The following RALYL variants were observed in gnomAD, a reference collection of about 807,000 sequenced individuals.
RALYL encodes the protein RALY RNA binding protein like.
RALYL carries 29 observed loss-of-function variants against 35.1 expected under a neutral mutation model. The observed-to-expected ratio is 0.83, with a 90% CI of 0.61 to 1.13. The LOEUF (loss-of-function observed/expected upper bound fraction) is 1.13. RALYL is among the 50% of genes most tolerant of loss of function. The pLI, the probability that RALYL is intolerant of heterozygous loss-of-function variation, is 0.00. For missense variants in RALYL, 359 were observed against 360.4 expected (o/e 1.00, Z 0.03); for synonymous variants, 120 against 127.6 (o/e 0.94, Z 0.40).
intron 1 of RALYL, among the ~76,000 whole-genome samples, chr8:84,295,066 G>A (rs1839504724): frequency 6.6e-6 from 1 of 152,122 alleles, no homozygotes; most frequent in Non-Finnish European, 1.5e-5. Context: ...CTGTTGGTTA[G>A]ACAAACCTGA....
At chr8:84,290,643 G>A (rs1367169378) in intron 1 of RALYL, among the ~76,000 whole-genome samples, 1 of 152,142 alleles carries the variant, frequency 6.6e-6, no homozygotes, top group East Asian at 1.9e-4. Context: ...TTAAGGTGGG[G>A]CAGGGCATAT....
intron 5 of RALYL, among the ~76,000 whole-genome samples, chr8:84,857,694 GTTTGTT>G (rs1167139827): frequency 6.6e-6 from 1 of 151,620 alleles, no homozygotes; most frequent in African/African-American, 2.4e-5. Context: ...CCTGAGAAAT[GTTTGTT>G]TTTAATATAA....
intron 1 of RALYL, among the ~76,000 whole-genome samples, chr8:84,267,949 C>T (rs1225189174): frequency 2.0e-5 from 3 of 152,176 alleles, no homozygotes; most frequent in East Asian, 3.8e-4. Context: ...GCTACCCTAT[C>T]ATTTGTTTTA....
At chr8:84,712,464 T>C (rs1842339134) in intron 2 of RALYL, among the ~76,000 whole-genome samples, 1 of 152,136 alleles carries the variant, frequency 6.6e-6, no homozygotes, top group African/African-American at 2.4e-5. Context: ...TCTCTCTCTG[T>C]GTCTCTCTCA....
intron 2 of RALYL, among the ~76,000 whole-genome samples, chr8:84,648,188 C>T (rs1256554995): frequency 6.6e-6 from 1 of 152,016 alleles, no homozygotes; most frequent in East Asian, 1.9e-4. Flanking sequence ...ATTAAACATT[C>T]CAGTATATCA....
At chr8:84,617,836 A>C (rs1764905566) in intron 2 of RALYL, among the ~76,000 whole-genome samples, 1 of 151,764 alleles carries the variant, frequency 6.6e-6, no homozygotes, top group African/African-American at 2.4e-5. Context: ...CCTTTTCTGC[A>C]TCTATTGAGA....
chr8:84,658,496 G>A (rs1830348189), intron 2 of RALYL, among the ~76,000 whole-genome samples: 1 of 152,090 alleles, frequency 6.6e-6, no homozygotes, highest in African/African-American at 2.4e-5. Flanking sequence ...GGAAATTGTG[G>A]ATAAACTCTG....
At chr8:84,314,183 T>C (rs1227385979) in intron 1 of RALYL, among the ~76,000 whole-genome samples, 2 of 152,046 alleles carry the variant, frequency 1.3e-5, no homozygotes, top group South Asian at 2.1e-4. Context: ...TCCCTCATTA[T>C]CAAGGGTACA....
intron 1 of RALYL, among the ~76,000 whole-genome samples, chr8:84,483,017 G>A (rs1189695069): frequency 1.3e-5 from 2 of 151,976 alleles, no homozygotes; most frequent in Non-Finnish European, 2.9e-5. Flanking sequence ...ACCTCTTTAT[G>A]TAAAAGTTAA....
At chr8:84,669,493 C>CA (rs1554771621) in intron 2 of RALYL, among the ~76,000 whole-genome samples, 1 of 61,888 alleles carries the variant, frequency 1.6e-5, no homozygotes, top group Non-Finnish European at 3.3e-5. Context: ...CCCCTCCCCC[C>CA]CCCCCCACTC....
At chr8:84,324,032 T>C (rs1387336763) in intron 1 of RALYL, among the ~76,000 whole-genome samples, 2 of 152,074 alleles carry the variant, frequency 1.3e-5, no homozygotes, top group African/African-American at 4.8e-5. Context: ...TGTGAAACAA[T>C]AGAACTGTGC....
At position 84,256,056 on chromosome 8, in the gene RALYL, C is replaced by A. The variant is rs138991692; in HGVS notation, c.-24+71632C>A. Among the ~76,000 whole-genome samples the A allele has an allele frequency of 2.0e-5, 3 of 152,194 alleles. No homozygotes were observed. The East Asian group carries it at 5.8e-4, about 29-fold the overall frequency. On this transcript the variant is annotated intron_variant, in intron 1 of 8. Coordinates refer to ENST00000521268, the MANE Select transcript of RALYL (RefSeq NM_173848.7). ...AACAATTTGCACAATTACAGGTCCACCGAAGGCCAGAGCTGCAAAGGGTAT... is the reference window on the plus strand; with the variant it reads ...AACAATTTGCACAATTACAGGTCCAACGAAGGCCAGAGCTGCAAAGGGTAT...
intron 2 of RALYL, among the ~76,000 whole-genome samples, chr8:84,589,977 A>T (rs527900213): frequency 3.3e-5 from 5 of 152,250 alleles, no homozygotes; most frequent in Non-Finnish European, 2.9e-5. Flanking sequence ...AAGAGGGCAT[A>T]TGAAAGCTTT....
intron 1 of RALYL, among the ~76,000 whole-genome samples, chr8:84,383,011 A>G (rs1285753615): frequency 6.6e-6 from 1 of 151,738 alleles, no homozygotes; most frequent in Non-Finnish European, 1.5e-5. Context: ...TATAGTCATT[A>G]TATTCTCAGT....
At chr8:84,384,489 A>G (rs1858732775) in intron 1 of RALYL, among the ~76,000 whole-genome samples, 1 of 151,828 alleles carries the variant, frequency 6.6e-6, no homozygotes, top group Admixed American at 6.6e-5. Context: ...TTTCTATTAT[A>G]GATATTCTTT....
At chr8:84,678,062 A>T (rs1234473268) in intron 2 of RALYL, among the ~76,000 whole-genome samples, 1 of 152,168 alleles carries the variant, frequency 6.6e-6, no homozygotes, top group Non-Finnish European at 1.5e-5. Flanking sequence ...ATTGAAAAAA[A>T]ATCCTTAGTT....
chr8:84,359,237 A>G (rs1440742749), intron 1 of RALYL, among the ~76,000 whole-genome samples: 1 of 81,340 alleles, frequency 1.2e-5, no homozygotes, highest in East Asian at 3.4e-4. Flanking sequence ...TTATTTTGAG[A>G]GCTTTTTTTT....
At chr8:84,361,151 T>G (rs185991276) in intron 1 of RALYL, among the ~76,000 whole-genome samples, 13 of 152,250 alleles carry the variant, frequency 8.5e-5, no homozygotes, top group Admixed American at 3.3e-4. Context: ...GGAAAATGAA[T>G]TTAGTGTGAT....
At chr8:84,376,304 A>G (rs1291341443) in intron 1 of RALYL, among the ~76,000 whole-genome samples, 2 of 151,918 alleles carry the variant, frequency 1.3e-5, no homozygotes, top group Non-Finnish European at 2.9e-5. Flanking sequence ...GTAATTTAGC[A>G]GATAATACTA....
Sources: allele counts gnomAD v4.1 joint callset (sites outside exome capture counted in the v4.1 genomes callset), GRCh38; gene constraint gnomAD v4.1.1; transcripts MANE v1.5; gene names NCBI Gene and HGNC (gene_info 2026-07-23, HGNC 2026-07-21).